The following MARK3 variants were observed in gnomAD, a reference collection of about 807,000 sequenced individuals.
MARK3 encodes the protein MAP/microtubule affinity-regulating kinase 3.
In MARK3, 46 loss-of-function variants were observed where a neutral mutation model predicts 90.1. The ratio of observed to expected loss-of-function variants is 0.51; its 90% CI spans 0.40 to 0.65. The LOEUF (loss-of-function observed/expected upper bound fraction) is 0.65, where lower values mean the gene tolerates loss of function less well. Among genes scored for constraint, MARK3 ranks in the 30% least tolerant of loss-of-function variants. The pLI, the probability that MARK3 is intolerant of heterozygous loss-of-function variation, is 0.00. For missense variants in MARK3, 818 were observed against 947.2 expected, an observed-to-expected ratio of 0.86 and a Z score of 1.79; for synonymous variants, 321 against 332.6, an observed-to-expected ratio of 0.97 and a Z score of 0.38.
intron 2 of MARK3, among the ~76,000 whole-genome samples, chr14:103,416,494 G>A (rs940034054): frequency 2.0e-5 from 3 of 152,196 alleles, no homozygotes; most frequent in Admixed American, 2.0e-4. Context: ...AAGCAAGCCA[G>A]GCGTGGTGGA....
intron 6 of MARK3, chr14:103,458,884 A>T: frequency 2.0e-6 from 1 of 495,558 alleles, no homozygotes; most frequent in Non-Finnish European, 3.6e-6. Flanking sequence ...ATTCAAATCT[A>T]GTAAAACCAA....
chr14:103,491,653 A>G lies in MARK3; in HGVS notation c.1587-124A>G, dbSNP rs1021078817. 10 of 1,039,140 alleles carry G rather than the reference A, an allele frequency of 9.6e-6. No individual in the cohort carries two copies. In the South Asian group the frequency reaches 1.1e-4, roughly 12 times the overall value. 64.4% of individuals were successfully genotyped at this position (1,039,140 alleles called of 1,614,324 possible). A position where few individuals can be genotyped will look rare whatever the true frequency, so the allele number is the denominator to read the frequency against. On this transcript the variant is annotated intron_variant, in intron 14 of 17. Coordinates refer to ENST00000429436, the MANE Select transcript of MARK3 (RefSeq NM_001128918.3). ...AACTTACCTTTTGCTCCTAAGTCCTATAAAATACCCCTTGGATCTGGATTT... is the reference window on the plus strand; with the variant it reads ...AACTTACCTTTTGCTCCTAAGTCCTGTAAAATACCCCTTGGATCTGGATTT...
chr14:103,418,533 C>G (rs1041207758), intron 2 of MARK3, among the ~76,000 whole-genome samples: 1 of 152,158 alleles, frequency 6.6e-6, no homozygotes, highest in Non-Finnish European at 1.5e-5. Flanking sequence ...AGATAAGAAT[C>G]TTCTCTTCTG....
At chr14:103,423,522 A>G (rs1333970399) in intron 2 of MARK3, among the ~76,000 whole-genome samples, 2 of 152,096 alleles carry the variant, frequency 1.3e-5, no homozygotes, top group African/African-American at 4.8e-5. Flanking sequence ...ACCCAACCCC[A>G]CAATCACTGG....
intron 15 of MARK3, among the ~76,000 whole-genome samples, chr14:103,496,013 A>G (rs1006041378): frequency 1.3e-5 from 2 of 152,168 alleles, no homozygotes; most frequent in African/African-American, 4.8e-5. Flanking sequence ...TTGGAGAGCT[A>G]TGGGCTATTT....
intron 3 of MARK3, among the ~76,000 whole-genome samples, chr14:103,447,491 G>A (rs1455296808): frequency 6.6e-6 from 1 of 152,142 alleles, no homozygotes; most frequent in Non-Finnish European, 1.5e-5. Flanking sequence ...GCCTCCTGGA[G>A]GTTGTATCCT....
rs1291888053 is a variant in MARK3, at chr14:103,387,943, CT to C, written c.51+1869del. Among the ~76,000 whole-genome samples the C allele has an allele frequency of 2.0e-5, 3 of 150,892 alleles. No homozygotes were observed. The East Asian group carries it at 6.0e-4, about 30-fold the overall frequency. ...TCAAATGGGTCTTTTTTCTTTCTTT[CT>C]TTTTTGAGATGGAGTCTGGCTCTGT... On this transcript the variant is annotated intron_variant, in intron 1 of 17. Coordinates refer to ENST00000429436, the MANE Select transcript of MARK3 (RefSeq NM_001128918.3).
intron 1 of MARK3, among the ~76,000 whole-genome samples, chr14:103,392,398 A>T (rs530873651): frequency 3.9e-5 from 6 of 152,326 alleles, no homozygotes; most frequent in African/African-American, 1.4e-4. Flanking sequence ...AACCGTGATC[A>T]CTGGGCCCTA....
chr14:103,440,085 G>A (rs1486366276), intron 3 of MARK3, among the ~76,000 whole-genome samples: 13 of 152,226 alleles, frequency 8.5e-5, no homozygotes, highest in Non-Finnish European at 1.0e-4. Context: ...ATGCCCAGCC[G>A]CTTTTGCTTT....
chr14:103,474,683 C>T (rs2093686072), intron 12 of MARK3, among the ~76,000 whole-genome samples: 1 of 152,192 alleles, frequency 6.6e-6, no homozygotes. Context: ...CTGCTTGTTA[C>T]GTATGCATCT....
intron 12 of MARK3, among the ~76,000 whole-genome samples, chr14:103,471,654 T>G (rs2093627004): frequency 1.3e-5 from 2 of 152,308 alleles, no homozygotes; most frequent in South Asian, 4.1e-4. Context: ...GGGTGCCTGC[T>G]TCTCTAAAGC....
intron 12 of MARK3, 76 bp from the exon 13 acceptor site, chr14:103,474,917 A>G: frequency 8.4e-7 from 1 of 1,191,448 alleles, no homozygotes; most frequent in Non-Finnish European, 1.2e-6. Context: ...AGATCATCTT[A>G]CAAAATATGG....
At chr14:103,473,590 C>T (rs1048830323) in intron 12 of MARK3, among the ~76,000 whole-genome samples, 2 of 152,044 alleles carry the variant, frequency 1.3e-5, no homozygotes, top group Non-Finnish European at 2.9e-5. Flanking sequence ...ATCACTAAAC[C>T]GAAAGCTTAG....
chr14:103,475,684 C>T (rs372570788), intron 13 of MARK3, among the ~76,000 whole-genome samples: 3 of 152,154 alleles, frequency 2.0e-5, no homozygotes, highest in Admixed American at 6.5e-5. Flanking sequence ...CGGTGGCTCA[C>T]GCCTGTAATC....
At chr14:103,449,010 C>T in intron 4 of MARK3, 43 bp downstream of exon 4, 1 of 1,518,094 alleles carries the variant, frequency 6.6e-7, no homozygotes, top group Non-Finnish European at 9.0e-7. Context: ...TAAATACGTA[C>T]TTGAAATTAT....
intron 12 of MARK3, among the ~76,000 whole-genome samples, chr14:103,469,906 A>C (rs957869264): frequency 2.0e-5 from 3 of 151,760 alleles, no homozygotes; most frequent in African/African-American, 7.3e-5. Context: ...ACTAAAAATA[A>C]AAAAATTACC....
rs777834665 is a variant in MARK3, at chr14:103,430,657, A to C, written c.297+2217A>C. On this transcript the variant is annotated intron_variant, in intron 3 of 17. Coordinates refer to ENST00000429436, the MANE Select transcript of MARK3 (RefSeq NM_001128918.3). ...ACTGGCTCATTCAGGCAGTATTTTA[A>C]CAGTGAACACACGTGTTAAAATATC... 9.2e-5 allele frequency among the ~76,000 whole-genome samples: 14 copies of C among 152,200 alleles called. 1 individual carries two copies.
chr14:103,430,919 C>T lies in MARK3; in HGVS notation c.297+2479C>T, dbSNP rs553599761. Among the ~76,000 whole-genome samples, 7 of 151,742 alleles carry T rather than the reference C, an allele frequency of 4.6e-5. 1 individual carries two copies. In the East Asian group the frequency reaches 5.8e-4, roughly 13 times the overall value. On this transcript the variant is annotated intron_variant, in intron 3 of 17. Coordinates refer to ENST00000429436, the MANE Select transcript of MARK3 (RefSeq NM_001128918.3). Reference sequence around the variant, plus strand: ...CTTGCTCTGTTGTCCAGGCTGGACTCGAACTCCTGGGCTTAAGCAGTCCTT... The same window carrying T: ...CTTGCTCTGTTGTCCAGGCTGGACTTGAACTCCTGGGCTTAAGCAGTCCTT...
At position 103,432,956 on chromosome 14, in the gene MARK3, G is replaced by C. The variant is rs533677975; in HGVS notation, c.297+4516G>C. On this transcript the variant is annotated intron_variant, in intron 3 of 17. Transcript: ENST00000429436. ...GGAAACAGAACAATAGACCACAATA[G>C]ACTATACCACATAGAAAAGTAACCG... 1.1e-4 allele frequency among the ~76,000 whole-genome samples: 17 copies of C among 152,172 alleles called. No individual in the cohort carries two copies. In the East Asian group the frequency reaches 3.3e-3, roughly 29 times the overall value.
Sources: allele counts gnomAD v4.1 joint callset (sites outside exome capture counted in the v4.1 genomes callset), GRCh38; gene constraint gnomAD v4.1.1; transcripts MANE v1.5; gene names NCBI Gene and HGNC (gene_info 2026-07-23, HGNC 2026-07-21).